Variants in AGPAT4 observed in about 807,000 individuals in gnomAD.
The protein encoded by AGPAT4 is 1-acyl-sn-glycerol-3-phosphate acyltransferase delta.
In AGPAT4, 15 loss-of-function variants were observed where a neutral mutation model predicts 48.0. The ratio of observed to expected loss-of-function variants is 0.31; its 90% confidence interval spans 0.21 to 0.48. AGPAT4 has a LOEUF of 0.48. Among genes scored for constraint, AGPAT4 ranks in the 20% least tolerant of loss-of-function variants. The pLI is 0.99. For synonymous variants in AGPAT4, 178 were observed against 198.7 expected (o/e 0.90, Z 0.88); for missense variants, 314 against 482.5 (o/e 0.65, Z 3.27).
Position 161,264,643 on chromosome 6 carries a change from C to T in AGPAT4, c.-90+9295G>A, listed in dbSNP as rs1373692571. 1.3e-5 allele frequency among the ~76,000 whole-genome samples: 2 copies of T among 152,218 alleles called. No homozygotes were observed. The highest frequency in any genetic ancestry group is 4.8e-5 in the African/African-American group (2 of 41,454). On this transcript the variant is annotated intron_variant, in intron 1 of 8. Coordinates refer to ENST00000320285, the MANE Select transcript of AGPAT4 (RefSeq NM_020133.3). The surrounding 1 kb of genome is among the most constrained non-coding windows in gnomAD (Gnocchi z 6.8). Reference sequence around the variant, plus strand: ...CTTGCCCTCTGGGCAGCAGGCTCCTCAAAGGCACTTGCAGGGTCGGCTCCC... The same window carrying T: ...CTTGCCCTCTGGGCAGCAGGCTCCTTAAAGGCACTTGCAGGGTCGGCTCCC...
rs1779705976 is a variant in AGPAT4 at position 161,154,449 on chromosome 6, C to T, written c.349-139G>A. The T allele has an allele frequency of 2.1e-6, 2 of 961,306 alleles. No individual in the cohort carries two copies. The highest frequency in any genetic ancestry group is 1.7e-5 in the South Asian group (1 of 59,116). The allele number at this position is 961,306 out of a possible 1,614,324, so 59.5% of individuals were successfully genotyped here. ...GGGACAGTCCCAGAACACATGCTGT[C>T]GAGGCCATGGACCCTGGTGCCCTCC... On this transcript the variant is annotated intron_variant, in intron 3 of 8. Coordinates refer to ENST00000320285, the MANE Select transcript of AGPAT4 (RefSeq NM_020133.3). The surrounding 1 kb of genome is among the most constrained non-coding windows in gnomAD (Gnocchi z 7.8).
chr6:161,245,918 C>T lies in AGPAT4; in HGVS notation c.-89-13616G>A, dbSNP rs568465459. 6.6e-6 allele frequency among the ~76,000 whole-genome samples: 1 copy of T among 152,328 alleles called. No individual in the cohort carries two copies. The highest frequency in any genetic ancestry group is 1.9e-4 in the East Asian group (1 of 5,184). The stretch of plus-strand genomic sequence containing the variant: ...AGAGACTTATTAGAAAACAAATGCA[C>T]TTAAATGCTTTTCTGACATGAATCA... On this transcript the variant is annotated intron_variant, in intron 1 of 8. Coordinates refer to ENST00000320285, the MANE Select transcript of AGPAT4 (RefSeq NM_020133.3). This position sits in a 1 kb window ranked among gnomAD's most constrained non-coding sequence, Gnocchi z 5.2.
rs1311424030 is a variant in AGPAT4 at position 161,254,649 on chromosome 6, C to T, written c.-90+19289G>A. ...CTTACAAACCCTCCAGCTTCCATTCCACTCAGTCCTTCTCATGGAAAGCAG... is the reference window on the plus strand; with the variant it reads ...CTTACAAACCCTCCAGCTTCCATTCTACTCAGTCCTTCTCATGGAAAGCAG... On this transcript the variant is annotated intron_variant, in intron 1 of 8. Transcript: ENST00000320285. This position sits in a 1 kb window ranked among gnomAD's most constrained non-coding sequence, Gnocchi z 5.9. Among the ~76,000 whole-genome samples, 1 of 152,124 alleles carries T rather than the reference C, an allele frequency of 6.6e-6. No individual in the cohort carries two copies. The highest frequency in any genetic ancestry group is 2.4e-5 in the African/African-American group (1 of 41,430).
Position 161,136,241 on chromosome 6 carries a change from A to G in AGPAT4, c.*299T>C, listed in dbSNP as rs1019766172. 9 of 335,638 alleles carry G rather than the reference A, an allele frequency of 2.7e-5. No individual in the cohort carries two copies. The Admixed American group carries it at 4.1e-4, about 15-fold the overall frequency. The allele number at this position is 335,638 out of a possible 1,614,324, so 20.8% of individuals were successfully genotyped here. ...GGTCCCCAGCCCTGCCCTCCCCTGC[A>G]GCCTAAAATACCCTTTCTATGATCA... is the stretch of plus-strand genomic sequence containing the variant. On this transcript the variant is annotated 3_prime_UTR_variant, in exon 9 of 9. Transcript: ENST00000320285.
intron 2 of AGPAT4, among the ~76,000 whole-genome samples, chr6:161,179,284 A>C (rs1780517929): frequency 1.3e-5 from 2 of 152,204 alleles, no homozygotes; most frequent in African/African-American, 4.8e-5. Context: ...ATCCAGACAC[A>C]AGGGCCCAGC....
chr6:161,239,294 T>G (rs1782411062), intron 1 of AGPAT4, among the ~76,000 whole-genome samples: 1 of 152,228 alleles, frequency 6.6e-6, no homozygotes, highest in African/African-American at 2.4e-5. Context: ...AACCGCATCC[T>G]TCTCTATACA....
rs552478817 is a variant in AGPAT4, at chr6:161,245,779, C to T, written c.-89-13477G>A. 2.6e-5 allele frequency among the ~76,000 whole-genome samples: 4 copies of T among 152,178 alleles called. No individual in the cohort carries two copies. Among genetic ancestry groups the T allele is most frequent in the South Asian group, 2.1e-4 (1 of 4,822 alleles). On this transcript the variant is annotated intron_variant, in intron 1 of 8. Coordinates refer to ENST00000320285, the MANE Select transcript of AGPAT4 (RefSeq NM_020133.3). The surrounding 1 kb of genome is among the most constrained non-coding windows in gnomAD (Gnocchi z 5.2). The stretch of plus-strand genomic sequence containing the variant: ...TTTCTGGTAAGGAGTGCGAGGAAGG[C>T]GGGAGAATCAATATGGCTGGATTTT...
At position 161,134,511 on chromosome 6, in the gene AGPAT4, T is replaced by TAA. The variant is rs1779002998; in HGVS notation, c.*2027_*2028dup. 3 of 152,284 alleles carry TAA rather than the reference T, an allele frequency of 2.0e-5. No individual in the cohort carries two copies. The highest frequency in any genetic ancestry group is 7.2e-5 in the African/African-American group (3 of 41,560). 9.4% of individuals were successfully genotyped at this position (152,284 alleles called of 1,614,324 possible). ...CCTTGGCTTAGTGCTTTAGGATTCT[T>TAA]AAAGTGTGCTCTTTTACCCTTGACA... On this transcript the variant is annotated 3_prime_UTR_variant, in exon 9 of 9. Transcript: ENST00000320285.
In AGPAT4 at chr6:161,169,917, C is replaced by T. The variant is rs796747037; in HGVS notation, c.179-3500G>A. The stretch of plus-strand genomic sequence containing the variant: ...GTAGGTCACACATGTTTTTGCTGAT[C>T]TGCTGATTCACGTCTTCAGCACAAA... On this transcript the variant is annotated intron_variant, in intron 2 of 8. Transcript: ENST00000320285. This position sits in a 1 kb window ranked among gnomAD's most constrained non-coding sequence, Gnocchi z 5.0. Among the ~76,000 whole-genome samples, 1 of 152,140 alleles carries T rather than the reference C, an allele frequency of 6.6e-6. No individual in the cohort carries two copies. Among genetic ancestry groups the T allele is most frequent in the Non-Finnish European group, 1.5e-5 (1 of 68,022 alleles).
In AGPAT4 at chr6:161,130,567, C is replaced by T. The variant is rs1457078525; in HGVS notation, c.*5973G>A. 9 of 196,458 alleles carry T rather than the reference C, an allele frequency of 4.6e-5. No homozygotes were observed. The highest frequency in any genetic ancestry group is 2.1e-4 in the African/African-American group (9 of 43,774). 12.2% of individuals were successfully genotyped at this position (196,458 alleles called of 1,614,324 possible). On this transcript the variant is annotated 3_prime_UTR_variant, in exon 9 of 9. Transcript: ENST00000320285. ...GTAAGAATTCACTGTTCACTTAGAG[C>T]AACTCATTCCCTGACCTGAACCGGG...
Position 161,149,300 on chromosome 6 carries a change from TAAAAC to T in AGPAT4, c.665-16_665-12del, listed in dbSNP as rs755052475. On this transcript the variant is annotated splice_polypyrimidine_tract_variant and intron_variant, in intron 5 of 8. Transcript: ENST00000320285. The surrounding 1 kb of genome is among the most constrained non-coding windows in gnomAD (Gnocchi z 6.5). ...CATATACAGCTGAAACTATAAAAAA[TAAAAC>T]AAATACAAAGCAGTATATAGCGTGT... 5.6e-6 allele frequency: 9 copies of T among 1,604,230 alleles called. No homozygotes were observed. Among genetic ancestry groups the T allele is most frequent in the South Asian group, 4.5e-5 (4 of 89,514 alleles).
At position 161,222,074 on chromosome 6, in the gene AGPAT4, T is replaced by G. The variant is rs769587402; in HGVS notation, c.178+9962A>C. On this transcript the variant is annotated intron_variant, in intron 2 of 8. Transcript: ENST00000320285. The surrounding 1 kb of genome is among the most constrained non-coding windows in gnomAD (Gnocchi z 5.9). ...TATTTGGGATGAGGGTTGACTATGC[T>G]CTGCTCAGGTCCTGTAAGGCACAGC... Among the ~76,000 whole-genome samples the G allele has an allele frequency of 1.2e-4, 19 of 152,226 alleles. No homozygotes were observed. Among genetic ancestry groups the G allele is most frequent in the Non-Finnish European group, 2.2e-4 (15 of 68,044 alleles).
rs548883375 is a variant in AGPAT4, at chr6:161,146,958, C to T, written c.768-359G>A. On this transcript the variant is annotated intron_variant, in intron 6 of 8. Transcript: ENST00000320285. The surrounding 1 kb of genome is among the most constrained non-coding windows in gnomAD (Gnocchi z 7.1). ...GGACAACACTGCCTCAGTTTCCACACGAGACAATCCAATATACACAGAATC... is the reference window on the plus strand; with the variant it reads ...GGACAACACTGCCTCAGTTTCCACATGAGACAATCCAATATACACAGAATC... 9.9e-5 allele frequency among the ~76,000 whole-genome samples: 15 copies of T among 152,114 alleles called. No homozygotes were observed. The highest frequency in any genetic ancestry group is 1.6e-4 in the Non-Finnish European group (11 of 68,016).
At chr6:161,174,311 T>C (rs1407661060) in intron 2 of AGPAT4, among the ~76,000 whole-genome samples, 1 of 152,242 alleles carries the variant, frequency 6.6e-6, no homozygotes, top group African/African-American at 2.4e-5. Context: ...TTGTGTCCTC[T>C]TTTATTTCGT....
intron 1 of AGPAT4, among the ~76,000 whole-genome samples, chr6:161,247,180 C>G (rs1233484166): frequency 6.6e-6 from 1 of 152,200 alleles, no homozygotes; most frequent in Non-Finnish European, 1.5e-5. Flanking sequence ...TTGAGGAACA[C>G]AGAGGTGACT....
chr6:161,263,497 AAAAC>A (rs1460798952), intron 1 of AGPAT4, among the ~76,000 whole-genome samples: 2 of 152,224 alleles, frequency 1.3e-5, no homozygotes, highest in African/African-American at 4.8e-5. Context: ...TCGAAAAACA[AAAAC>A]AAACAAGAAA....
At chr6:161,183,829 G>C (rs1221012658) in intron 2 of AGPAT4, among the ~76,000 whole-genome samples, 1 of 151,482 alleles carries the variant, frequency 6.6e-6, no homozygotes, top group Non-Finnish European at 1.5e-5. Flanking sequence ...AGAGAGGGGA[G>C]CCAGCCTCGT....
rs1484503558 is a variant in AGPAT4, at chr6:161,254,159, CT to C, written c.-90+19778del. Among the ~76,000 whole-genome samples the C allele has an allele frequency of 1.3e-5, 2 of 152,196 alleles. No homozygotes were observed. The highest frequency in any genetic ancestry group is 2.1e-4 in the South Asian group (1 of 4,818). ...TTAACCACTTGGTCAATATATTTAA[CT>C]TTTTTTAAAAAAAGAAAAACTTTTC... is the stretch of plus-strand genomic sequence containing the variant. On this transcript the variant is annotated intron_variant, in intron 1 of 8. Coordinates refer to ENST00000320285, the MANE Select transcript of AGPAT4 (RefSeq NM_020133.3). This position sits in a 1 kb window ranked among gnomAD's most constrained non-coding sequence, Gnocchi z 5.9.
rs936873951 is a variant in AGPAT4 at position 161,147,411 on chromosome 6, A to G, written c.768-812T>C. On this transcript the variant is annotated intron_variant, in intron 6 of 8. Coordinates refer to ENST00000320285, the MANE Select transcript of AGPAT4 (RefSeq NM_020133.3). The surrounding 1 kb of genome is among the most constrained non-coding windows in gnomAD (Gnocchi z 4.8). ...TTCAAGGGACGTTCATTTATACTCAATTTTGTCCATGTCAAAGTCTGCATC... is the reference window on the plus strand; with the variant it reads ...TTCAAGGGACGTTCATTTATACTCAGTTTTGTCCATGTCAAAGTCTGCATC... Among the ~76,000 whole-genome samples the G allele has an allele frequency of 9.9e-5, 15 of 152,004 alleles. No individual in the cohort carries two copies. Among genetic ancestry groups the G allele is most frequent in the African/African-American group, 2.4e-4 (10 of 41,364 alleles).
Sources: allele counts gnomAD v4.1 joint callset (sites outside exome capture counted in the v4.1 genomes callset), GRCh38; gene constraint gnomAD v4.1.1; non-coding constraint Gnocchi (gnomAD v3.1); transcripts MANE v1.5; gene names NCBI Gene and HGNC (gene_info 2026-07-23, HGNC 2026-07-21).